CACNA2D3: variants seen among roughly 807,000 people sequenced by gnomAD.
CACNA2D3 encodes voltage-dependent calcium channel subunit alpha-2/delta-3.
CACNA2D3 carries 60 observed loss-of-function variants against 160.6 expected under a neutral mutation model. That is an observed-to-expected ratio of 0.37 (90% confidence interval 0.30 to 0.46). CACNA2D3 has a LOEUF of 0.46. Ranked by LOEUF, CACNA2D3 falls within the 20% of genes least tolerant of loss-of-function variation. CACNA2D3 has a pLI of 1.00. For synonymous variants in CACNA2D3, 558 were observed against 492.9 expected, an observed-to-expected ratio of 1.13 and a Z score of -1.75; for missense variants, 1,205 against 1,365.0, an observed-to-expected ratio of 0.88 and a Z score of 1.85.
intron 11 of CACNA2D3, among the ~76,000 whole-genome samples, chr3:54,727,610 A>T (rs1701302962): frequency 6.6e-6 from 1 of 152,224 alleles, no homozygotes; most frequent in African/African-American, 2.4e-5. Flanking sequence ...CTTTGCAGGG[A>T]CATGGATGAA....
chr3:54,745,668 G>A (rs772433835), intron 11 of CACNA2D3, among the ~76,000 whole-genome samples: 2 of 152,102 alleles, frequency 1.3e-5, no homozygotes, highest in South Asian at 4.1e-4. Flanking sequence ...ATGTAATCTC[G>A]TGTTCCATTG....
intron 5 of CACNA2D3, among the ~76,000 whole-genome samples, chr3:54,550,893 CCT>C (rs1226713343): frequency 6.6e-6 from 1 of 152,194 alleles, no homozygotes; most frequent in Non-Finnish European, 1.5e-5. Context: ...GCAAGCACAT[CCT>C]CTCTGTGTCC....
At chr3:54,932,981 G>C (rs1167276712) in intron 27 of CACNA2D3, among the ~76,000 whole-genome samples, 1 of 152,020 alleles carries the variant, frequency 6.6e-6, no homozygotes, top group Admixed American at 6.5e-5. Flanking sequence ...ATGACCAAAC[G>C]GCACCCAGGT....
At chr3:54,744,910 T>A (rs1317460575) in intron 11 of CACNA2D3, among the ~76,000 whole-genome samples, 1 of 152,180 alleles carries the variant, frequency 6.6e-6, no homozygotes, top group Non-Finnish European at 1.5e-5. Context: ...CATGCACAGC[T>A]CAGTAGGTTT....
At chr3:54,781,340 G>A (rs1180107285) in intron 13 of CACNA2D3, among the ~76,000 whole-genome samples, 1 of 152,138 alleles carries the variant, frequency 6.6e-6, no homozygotes, top group Non-Finnish European at 1.5e-5. Context: ...CCATTTCTCT[G>A]GAGATGATAA....
chr3:54,566,780 T>A (rs1308168758), intron 6 of CACNA2D3, among the ~76,000 whole-genome samples: 1 of 152,202 alleles, frequency 6.6e-6, no homozygotes, highest in Non-Finnish European at 1.5e-5. Context: ...TGTCTTATCC[T>A]TGCACTATGA....
intron 11 of CACNA2D3, among the ~76,000 whole-genome samples, chr3:54,703,791 A>T (rs62257066): frequency 6.6e-6 from 1 of 152,214 alleles, no homozygotes; most frequent in Non-Finnish European, 1.5e-5. Flanking sequence ...ACAGTAGAGC[A>T]CAAAGGAAAG....
intron 4 of CACNA2D3, among the ~76,000 whole-genome samples, chr3:54,432,636 T>A (rs554648373): frequency 1.3e-5 from 2 of 152,316 alleles, no homozygotes; most frequent in South Asian, 2.1e-4. Context: ...TGTTAAGGTA[T>A]TATTGAAACA....
intron 4 of CACNA2D3, among the ~76,000 whole-genome samples, chr3:54,387,587 C>T (rs1237382453): frequency 9.9e-5 from 15 of 152,278 alleles, no homozygotes; most frequent in African/African-American, 2.9e-4. Flanking sequence ...GGGCAGCAGA[C>T]GTTGCAGTGA....
chr3:54,264,178 G>T lies in CACNA2D3; in HGVS notation c.205-56264G>T, dbSNP rs540627824. Among the ~76,000 whole-genome samples, 12 of 152,264 alleles carry T rather than the reference G, an allele frequency of 7.9e-5. No homozygotes were observed. In the East Asian group the frequency reaches 2.1e-3, roughly 27 times the overall value. On this transcript the variant is annotated intron_variant, in intron 2 of 37. Transcript: ENST00000474759. The stretch of plus-strand genomic sequence containing the variant: ...GGTGCCCACCCAGATGTGGTGGGTG[G>T]TGTCCTCGGCTGATTACAAAGATTG...
intron 27 of CACNA2D3, among the ~76,000 whole-genome samples, chr3:54,948,718 C>G (rs1701678616): frequency 1.3e-5 from 2 of 152,164 alleles, no homozygotes; most frequent in African/African-American, 4.8e-5. Flanking sequence ...CTGTTGTCAG[C>G]TATTGTATTT....
At position 54,933,764 on chromosome 3, in the gene CACNA2D3, T is replaced by C. The variant is rs1701263869; in HGVS notation, c.2449+33896T>C. On this transcript the variant is annotated intron_variant, in intron 27 of 37. Coordinates refer to ENST00000474759, the MANE Select transcript of CACNA2D3 (RefSeq NM_018398.3). ...TGAATAAAGATATTACTATTACTTT[T>C]TTTTTTTTTTTTGAGACAAAGTCTC... 1.0e-4 allele frequency among the ~76,000 whole-genome samples: 15 copies of C among 148,838 alleles called. No homozygotes were observed. The South Asian group carries it at 3.2e-3, about 32-fold the overall frequency.
At chr3:54,623,960 G>A (rs1699042131) in intron 9 of CACNA2D3, among the ~76,000 whole-genome samples, 1 of 152,080 alleles carries the variant, frequency 6.6e-6, no homozygotes, top group Admixed American at 6.6e-5. Context: ...TTGGGCAGAG[G>A]GCTAAATGAA....
At chr3:54,914,387 T>G (rs1220874644) in intron 27 of CACNA2D3, among the ~76,000 whole-genome samples, 1 of 152,156 alleles carries the variant, frequency 6.6e-6, no homozygotes, top group Non-Finnish European at 1.5e-5. Flanking sequence ...ATTCTGAAAT[T>G]CTCCAGGCCT....
intron 12 of CACNA2D3, among the ~76,000 whole-genome samples, chr3:54,752,902 C>T (rs1381821742): frequency 6.7e-6 from 1 of 149,836 alleles, no homozygotes; most frequent in Admixed American, 6.7e-5. Context: ...GCTCTGTTGC[C>T]CAGGCTGGAG....
At chr3:54,984,552 T>C in intron 29 of CACNA2D3, 56 bp from the exon 30 acceptor site, 1 of 984,370 alleles carries the variant, frequency 1.0e-6, no homozygotes, top group South Asian at 1.5e-5. Flanking sequence ...AAAAGCAGTG[T>C]GATGGCCCGA....
intron 2 of CACNA2D3, among the ~76,000 whole-genome samples, chr3:54,289,199 T>C (rs1396262920): frequency 2.0e-5 from 3 of 152,136 alleles, no homozygotes; most frequent in Non-Finnish European, 1.5e-5. Flanking sequence ...GATAAGCAAC[T>C]TCAGCAAAGT....
At chr3:54,746,366 A>G (rs1334183561) in intron 11 of CACNA2D3, among the ~76,000 whole-genome samples, 2 of 152,238 alleles carry the variant, frequency 1.3e-5, no homozygotes, top group South Asian at 2.1e-4. Flanking sequence ...TTAGCTGCAA[A>G]TGGACTTTAA....
intron 4 of CACNA2D3, among the ~76,000 whole-genome samples, chr3:54,423,217 T>C (rs1699864604): frequency 6.6e-6 from 1 of 152,196 alleles, no homozygotes; most frequent in South Asian, 2.1e-4. Flanking sequence ...AAAGGGGATA[T>C]GTGCCTTATC....
Sources: gnomAD v4.1 joint callset for allele counts (sites outside exome capture counted in the v4.1 genomes callset) on GRCh38, gnomAD v4.1.1 for gene constraint, MANE v1.5 for transcripts, NCBI Gene and HGNC (gene_info 2026-07-23, HGNC 2026-07-21) for gene names.